The following ASPRV1 variants were observed in gnomAD, a reference collection of about 807,000 sequenced individuals.
ASPRV1 encodes retroviral-like aspartic protease 1.
In ASPRV1, 7 loss-of-function variants were observed where a neutral mutation model predicts 11.0. The ratio of observed to expected loss-of-function variants is 0.64; its 90% CI spans 0.36 to 1.20. ASPRV1 has a LOEUF of 1.20. ASPRV1 is among the 50% of genes most tolerant of loss of function. The probability of loss-of-function intolerance (pLI) is 0.02; values close to 1 mark genes in which losing one functional copy is unlikely to be tolerated. For synonymous variants in ASPRV1, 136 were observed against 138.4 expected (o/e 0.98, Z 0.12); for missense variants, 299 against 320.0 (o/e 0.93, Z 0.50).
At chr2:70,059,077 G>A in the ASPRV1 span, among the ~76,000 whole-genome samples, 1 of 150,356 alleles carries the variant, frequency 6.7e-6, no homozygotes, top group Non-Finnish European at 1.5e-5. Context: ...TTTTTTAGTA[G>A]AGACAGGGTT....
the ASPRV1 span, among the ~76,000 whole-genome samples, chr2:70,004,649 A>G: frequency 6.6e-6 from 1 of 152,108 alleles, no homozygotes; most frequent in Non-Finnish European, 1.5e-5. Flanking sequence ...CTGAGTCATT[A>G]AGAAACATTC....
chr2:70,054,151 T>G, the ASPRV1 span: 1 of 150,560 alleles, frequency 6.6e-6, no homozygotes, highest in Non-Finnish European at 1.5e-5. Context: ...GCCAAAATGG[T>G]GAAACCCCGT....
the ASPRV1 span, among the ~76,000 whole-genome samples, chr2:69,944,009 G>A: frequency 6.6e-6 from 1 of 152,178 alleles, no homozygotes; most frequent in Non-Finnish European, 1.5e-5. Flanking sequence ...TTCTACTTTG[G>A]AAAGTGGCCT....
At chr2:70,084,478 T>C in the ASPRV1 span, among the ~76,000 whole-genome samples, 2 of 152,356 alleles carry the variant, frequency 1.3e-5, no homozygotes, top group Non-Finnish European at 2.9e-5. Flanking sequence ...ACTTAATAGC[T>C]GTGTGACCTT....
the ASPRV1 span, chr2:70,059,805 A>T: frequency 6.6e-6 from 1 of 152,268 alleles, no homozygotes; most frequent in Non-Finnish European, 1.5e-5. Flanking sequence ...TGAGAATCTA[A>T]TGCTGCGCTG....
chr2:70,015,169 A>C, the ASPRV1 span, among the ~76,000 whole-genome samples: 4 of 152,348 alleles, frequency 2.6e-5, no homozygotes, highest in South Asian at 4.1e-4. Flanking sequence ...CTTCACATTT[A>C]AGAACACACA....
the ASPRV1 span, among the ~76,000 whole-genome samples, chr2:70,008,202 G>A: frequency 2.6e-5 from 4 of 151,414 alleles, no homozygotes; most frequent in South Asian, 2.1e-4. Flanking sequence ...ATTCATTTCC[G>A]CTGCTGTGGA....
chr2:70,010,950 A>G, the ASPRV1 span, among the ~76,000 whole-genome samples: 1 of 152,132 alleles, frequency 6.6e-6, no homozygotes, highest in African/African-American at 2.4e-5. Flanking sequence ...TATGGTAAGT[A>G]CTCGATATGT....
At chr2:69,950,288 AC>A in the ASPRV1 span, among the ~76,000 whole-genome samples, 2 of 152,154 alleles carry the variant, frequency 1.3e-5, no homozygotes, top group African/African-American at 4.8e-5. Context: ...GGACACAGCC[AC>A]CCTGCTGCTG....
chr2:70,083,685 G>A, the ASPRV1 span: 1 of 152,156 alleles, frequency 6.6e-6, no homozygotes. Flanking sequence ...AGATAATGCA[G>A]GTCTGAGGAA....
the ASPRV1 span, chr2:69,998,181 T>G: frequency 1.3e-5 from 2 of 151,720 alleles, no homozygotes; most frequent in African/African-American, 4.8e-5. Flanking sequence ...ATGATTTCCC[T>G]CTCCACCCAA....
chr2:69,937,641 A>G, the ASPRV1 span, among the ~76,000 whole-genome samples: 2 of 152,224 alleles, frequency 1.3e-5, no homozygotes, highest in Non-Finnish European at 2.9e-5. Flanking sequence ...TTGAGACGGA[A>G]TCTTGCTCTG....
chr2:70,028,534 T>C, the ASPRV1 span: 7 of 152,086 alleles, frequency 4.6e-5, no homozygotes, highest in African/African-American at 1.2e-4. Flanking sequence ...GGAGGTGACA[T>C]AGTAGGAACC....
At chr2:70,054,871 T>C in the ASPRV1 span, among the ~76,000 whole-genome samples, 2 of 152,186 alleles carry the variant, frequency 1.3e-5, no homozygotes, top group African/African-American at 4.8e-5. Flanking sequence ...AGTCTCCTCT[T>C]TGCTGTAAAG....
chr2:70,080,263 G>T, the ASPRV1 span, among the ~76,000 whole-genome samples: 25 of 149,708 alleles, frequency 1.7e-4, no homozygotes, highest in Admixed American at 1.7e-3. Context: ...TTTCACTCTT[G>T]TTGCCTGGGC....
the ASPRV1 span, among the ~76,000 whole-genome samples, chr2:69,977,773 G>A: frequency 6.6e-6 from 1 of 152,170 alleles, no homozygotes; most frequent in Non-Finnish European, 1.5e-5. Flanking sequence ...CTAGTTCAAT[G>A]GGAAAGTTGG....
chr2:70,034,680 A>G, the ASPRV1 span, among the ~76,000 whole-genome samples: 1 of 152,172 alleles, frequency 6.6e-6, no homozygotes, highest in South Asian at 2.1e-4. Context: ...GCCCACAGAC[A>G]CCTCCAATAT....
At chr2:70,022,535 A>C in the ASPRV1 span, among the ~76,000 whole-genome samples, 2 of 151,982 alleles carry the variant, frequency 1.3e-5, no homozygotes, top group Non-Finnish European at 2.9e-5. Flanking sequence ...AAAACAAAAA[A>C]AAAGTTAGTG....
the ASPRV1 span, among the ~76,000 whole-genome samples, chr2:70,042,889 C>CTTT: frequency 6.6e-6 from 1 of 152,080 alleles, no homozygotes; most frequent in Non-Finnish European, 1.5e-5. Flanking sequence ...CTCAGTGAAG[C>CTTT]TAAAAGTCTG....
Sources: allele counts gnomAD v4.1 joint callset (sites outside exome capture counted in the v4.1 genomes callset), GRCh38; gene constraint gnomAD v4.1.1; transcripts MANE v1.5; gene names NCBI Gene and HGNC (gene_info 2026-07-23, HGNC 2026-07-21).